QTMAN: variants seen among roughly 807,000 people sequenced by gnomAD.
QTMAN encodes the protein queuosine-tRNA mannosyltransferase.
At chr2:144,120,812 A>C in the QTMAN span, among the ~76,000 whole-genome samples, 2 of 152,140 alleles carry the variant, frequency 1.3e-5, no homozygotes, top group Admixed American at 6.6e-5. Flanking sequence ...AAAACAAAAC[A>C]AAACAAAAAA....
chr2:144,048,331 T>C, the QTMAN span, among the ~76,000 whole-genome samples: 1 of 152,182 alleles, frequency 6.6e-6, no homozygotes, highest in African/African-American at 2.4e-5. Flanking sequence ...ACATGCCAAA[T>C]GTAGAAAACA....
At chr2:144,168,533 A>G in the QTMAN span, among the ~76,000 whole-genome samples, 1 of 152,280 alleles carries the variant, frequency 6.6e-6, no homozygotes, top group South Asian at 2.1e-4. Context: ...ATACAGAAGA[A>G]ATAAGATTGG....
the QTMAN span, among the ~76,000 whole-genome samples, chr2:144,118,848 T>C: frequency 3.3e-5 from 5 of 152,134 alleles, no homozygotes; most frequent in African/African-American, 7.2e-5. Context: ...ACCACTGCAC[T>C]CCAGCCTGGG....
At chr2:144,278,302 T>A in the QTMAN span, among the ~76,000 whole-genome samples, 1 of 152,294 alleles carries the variant, frequency 6.6e-6, no homozygotes, top group African/African-American at 2.4e-5. Flanking sequence ...CTAACATTTC[T>A]CTTGCAAGTA....
chr2:144,256,730 G>C, the QTMAN span, among the ~76,000 whole-genome samples: 3 of 151,958 alleles, frequency 2.0e-5, no homozygotes, highest in Non-Finnish European at 2.9e-5. Context: ...GGAAAAGGGA[G>C]GGAAAGGCAT....
At chr2:144,069,058 A>G in the QTMAN span, among the ~76,000 whole-genome samples, 1 of 152,268 alleles carries the variant, frequency 6.6e-6, no homozygotes, top group East Asian at 1.9e-4. Context: ...AGTTTTAAAT[A>G]TGGAAAGTAC....
the QTMAN span, among the ~76,000 whole-genome samples, chr2:144,153,484 C>T: frequency 2.6e-5 from 4 of 151,896 alleles, no homozygotes; most frequent in African/African-American, 9.7e-5. Flanking sequence ...CTGAGGCGGG[C>T]GGATCACGAG....
At chr2:143,950,654 C>T in the QTMAN span, among the ~76,000 whole-genome samples, 9 of 151,726 alleles carry the variant, frequency 5.9e-5, 1 homozygote, top group East Asian at 1.2e-3. Flanking sequence ...TTCATTTGTA[C>T]TAATACTTAT....
chr2:144,286,772 A>C, the QTMAN span, among the ~76,000 whole-genome samples: 2 of 152,230 alleles, frequency 1.3e-5, no homozygotes, highest in African/African-American at 4.8e-5. Context: ...ATTTGAGTGA[A>C]GAAAGAAAAA....
At chr2:144,245,473 T>A in the QTMAN span, among the ~76,000 whole-genome samples, 22 of 152,340 alleles carry the variant, frequency 1.4e-4, no homozygotes, top group Admixed American at 1.4e-3. Flanking sequence ...CTTTATCTAC[T>A]TAAGAAAGAC....
the QTMAN span, among the ~76,000 whole-genome samples, chr2:144,308,315 C>T: frequency 2.6e-5 from 4 of 151,722 alleles, no homozygotes; most frequent in Admixed American, 1.3e-4. Context: ...TACAGGTGCC[C>T]GCCACCACAG....
the QTMAN span, among the ~76,000 whole-genome samples, chr2:144,075,097 A>C: frequency 6.6e-6 from 1 of 152,210 alleles, no homozygotes; most frequent in Admixed American, 6.5e-5. Context: ...TACAATCTAG[A>C]GCTTTCTCAC....
At chr2:143,953,054 A>G in the QTMAN span, among the ~76,000 whole-genome samples, 1 of 151,796 alleles carries the variant, frequency 6.6e-6, no homozygotes, top group Non-Finnish European at 1.5e-5. Context: ...AACCAACAGC[A>G]TATGTTTTGT....
chr2:144,269,804 T>G, the QTMAN span, among the ~76,000 whole-genome samples: 3 of 151,876 alleles, frequency 2.0e-5, no homozygotes, highest in Middle Eastern at 3.4e-3. Context: ...TTAATTACTA[T>G]GCTATCCAAC....
At chr2:144,012,667 T>A in the QTMAN span, among the ~76,000 whole-genome samples, 4 of 152,250 alleles carry the variant, frequency 2.6e-5, no homozygotes, top group South Asian at 8.3e-4. Context: ...CTTACTATGG[T>A]AAGTTCAACC....
chr2:144,268,249 T>G, the QTMAN span, among the ~76,000 whole-genome samples: 1 of 152,206 alleles, frequency 6.6e-6, no homozygotes, highest in Admixed American at 6.5e-5. Flanking sequence ...CTGCCATGAA[T>G]GGTAGTTCCC....
At chr2:143,978,017 A>G in the QTMAN span, among the ~76,000 whole-genome samples, 2 of 152,194 alleles carry the variant, frequency 1.3e-5, no homozygotes, top group African/African-American at 4.8e-5. Flanking sequence ...ACTTATTGAC[A>G]AGAAAGTTTT....
the QTMAN span, among the ~76,000 whole-genome samples, chr2:143,973,528 C>T: frequency 2.5e-4 from 38 of 152,148 alleles, no homozygotes; most frequent in African/African-American, 8.4e-4. Flanking sequence ...CGGTGGCTCA[C>T]GCCTGTAATC....
At chr2:144,037,695 T>G in the QTMAN span, among the ~76,000 whole-genome samples, 39 of 152,268 alleles carry the variant, frequency 2.6e-4, no homozygotes, top group South Asian at 1.0e-3. Flanking sequence ...TATAGTAAAG[T>G]ACTCATCAAT....
Sources: allele counts gnomAD v4.1 joint callset (sites outside exome capture counted in the v4.1 genomes callset), GRCh38; gene constraint gnomAD v4.1.1; transcripts MANE v1.5; gene names NCBI Gene and HGNC (gene_info 2026-07-23, HGNC 2026-07-21).